CEP162: variants seen among roughly 807,000 people sequenced by gnomAD.
The protein encoded by CEP162 is centrosomal protein 162.
In CEP162, 141 loss-of-function variants were observed where a neutral mutation model predicts 169.2. That is an observed-to-expected ratio of 0.83 (90% CI 0.73 to 0.96). The LOEUF (loss-of-function observed/expected upper bound fraction) is 0.96, where lower values mean the gene tolerates loss of function less well. Among genes scored for constraint, CEP162 ranks in the 40% least tolerant of loss-of-function variants. The pLI, the probability that CEP162 is intolerant of heterozygous loss-of-function variation, is 0.00. For missense variants in CEP162, 1,600 were observed against 1,587.2 expected (o/e 1.01, Z -0.14); for synonymous variants, 540 against 526.4 (o/e 1.03, Z -0.35).
chr6:84,155,493 C>T lies in CEP162; in HGVS notation c.2799G>A (p.Gly933=). Residue 933 remains glycine (G), a synonymous_variant, in exon 22 of 27, where the codon GGG becomes GGA. Transcript: ENST00000403245. The part of the protein sequence containing the change: ...DLERQVKEME[G]ILKRRYPNSL... Reference sequence around the variant, plus strand: ...AATTGGGATATCTTCTCTTCAGAATCCCTTCCATTTCCTTAACCTATTAAA... The same window carrying T: ...AATTGGGATATCTTCTCTTCAGAATTCCTTCCATTTCCTTAACCTATTAAA... 4.4e-6 allele frequency: 7 copies of T among 1,609,176 alleles called. No homozygotes were observed. Among genetic ancestry groups the T allele is most frequent in the Non-Finnish European group, 5.9e-6 (7 of 1,176,516 alleles).
intron 9 of CEP162, among the ~76,000 whole-genome samples, chr6:84,199,094 T>C (rs2099543349): frequency 1.3e-5 from 2 of 152,230 alleles, no homozygotes; most frequent in African/African-American, 4.8e-5. Context: ...ATCAGAAAAG[T>C]TGTAGCTGTA....
intron 25 of CEP162, among the ~76,000 whole-genome samples, chr6:84,137,251 C>T (rs1426552340): frequency 6.6e-6 from 1 of 152,156 alleles, no homozygotes; most frequent in Non-Finnish European, 1.5e-5. Flanking sequence ...GGCCTGTATC[C>T]AGCATGCCAA....
intron 25 of CEP162, among the ~76,000 whole-genome samples, chr6:84,141,772 C>T (rs2099516763): frequency 1.3e-5 from 2 of 152,168 alleles, no homozygotes; most frequent in African/African-American, 2.4e-5. Flanking sequence ...GCTGTACCTA[C>T]ACTCCACCTA....
chr6:84,217,494 C>T (rs1306958178), intron 3 of CEP162, among the ~76,000 whole-genome samples: 2 of 152,064 alleles, frequency 1.3e-5, no homozygotes, highest in Non-Finnish European at 2.9e-5. Context: ...CAGGAAAATG[C>T]CCAGGCATGT....
chr6:84,174,413 A>G (rs2099531480), intron 15 of CEP162, among the ~76,000 whole-genome samples: 1 of 152,236 alleles, frequency 6.6e-6, no homozygotes, highest in Non-Finnish European at 1.5e-5. Context: ...CTCTGGGTCT[A>G]TACCTTCTAT....
At chr6:84,152,168 C>G (rs2099521358) in intron 23 of CEP162, among the ~76,000 whole-genome samples, 1 of 152,184 alleles carries the variant, frequency 6.6e-6, no homozygotes, top group Non-Finnish European at 1.5e-5. Flanking sequence ...AGACTGCCAA[C>G]TAGCTTTAAC....
intron 13 of CEP162, among the ~76,000 whole-genome samples, chr6:84,176,142 GA>G (rs796925078): frequency 4.9e-4 from 74 of 151,470 alleles, no homozygotes; most frequent in African/African-American, 1.8e-3. Context: ...GATAAATTAA[GA>G]ATTTCAAAAT....
At chr6:84,146,557 A>G (rs1562010738) in intron 25 of CEP162, 130 bp downstream of exon 25, 2 of 484,320 alleles carry the variant, frequency 4.1e-6, no homozygotes, top group Non-Finnish European at 7.3e-6. Flanking sequence ...GCACGCTGCT[A>G]ATATTTTCTT....
chr6:84,157,610 G>A (rs2099523743), intron 21 of CEP162, among the ~76,000 whole-genome samples: 1 of 152,174 alleles, frequency 6.6e-6, no homozygotes, highest in South Asian at 2.1e-4. Flanking sequence ...AGGAGGCTGA[G>A]GTTGCAGTGA....
chr6:84,222,212 A>G (rs184211840), intron 2 of CEP162, among the ~76,000 whole-genome samples: 301 of 152,234 alleles, frequency 2.0e-3, no homozygotes, highest in South Asian at 5.0e-3. Context: ...AGGCCTCCGA[A>G]ATGCCACAAA....
chr6:84,179,552 A>C (rs1209675873), intron 13 of CEP162, among the ~76,000 whole-genome samples: 6 of 151,966 alleles, frequency 3.9e-5, no homozygotes, highest in African/African-American at 1.5e-4. Context: ...TTCTTTGTAG[A>C]TTCTGGATAT....
intron 6 of CEP162, among the ~76,000 whole-genome samples, chr6:84,207,052 A>G (rs2099547448): frequency 6.6e-6 from 1 of 152,266 alleles, no homozygotes; most frequent in Admixed American, 6.5e-5. Flanking sequence ...AATGGCAATC[A>G]TTAAAAAGTC....
chr6:84,160,900 G>C lies in CEP162; in HGVS notation c.2693C>G (p.Ala898Gly). 1 of 1,610,012 alleles carries C rather than the reference G, an allele frequency of 6.2e-7. No homozygotes were observed. Among genetic ancestry groups the C allele is most frequent in the Non-Finnish European group, 8.5e-7 (1 of 1,177,056 alleles). The change falls in exon 21 of 27, where the codon GCT (alanine) becomes GGT (glycine). Residue 898 changes from alanine to glycine, a missense_variant. Ala to Gly is a moderately conservative substitution (Grantham distance 60). Coordinates refer to ENST00000403245, the MANE Select transcript of CEP162 (RefSeq NM_014895.4). ...KLKLEIEKLK[A>G]ESGNPSIRQK... Reference sequence around the variant, plus strand: ...CCGAATAGATGGATTCCCAGATTCAGCTTTCAGTTTCTCAATCTGTCAATA... The same window carrying C: ...CCGAATAGATGGATTCCCAGATTCACCTTTCAGTTTCTCAATCTGTCAATA...
At chr6:84,151,122 T>C (rs1473179980) in intron 23 of CEP162, among the ~76,000 whole-genome samples, 2 of 152,010 alleles carry the variant, frequency 1.3e-5, no homozygotes, top group Non-Finnish European at 2.9e-5. Flanking sequence ...ATTAGGTAAG[T>C]AGAGTAGTAT....
At chr6:84,186,251 A>C (rs1389523486) in intron 12 of CEP162, 81 bp downstream of exon 12, 1 of 758,216 alleles carries the variant, frequency 1.3e-6, no homozygotes, top group African/African-American at 1.8e-5. Context: ...TTTAAAAAGC[A>C]CACACCTACC....
intron 13 of CEP162, among the ~76,000 whole-genome samples, chr6:84,179,324 T>C (rs1367698762): frequency 6.6e-6 from 1 of 152,204 alleles, no homozygotes; most frequent in African/African-American, 2.4e-5. Context: ...CAGCACCTGT[T>C]GTTTCCTGAC....
intron 19 of CEP162, among the ~76,000 whole-genome samples, chr6:84,162,377 A>G (rs990455149): frequency 6.6e-6 from 1 of 152,164 alleles, no homozygotes; most frequent in Admixed American, 6.5e-5. Flanking sequence ...TTGTTACTCT[A>G]TATTTTACGG....
At chr6:84,160,070 T>C (rs907792050) in intron 21 of CEP162, among the ~76,000 whole-genome samples, 1 of 152,172 alleles carries the variant, frequency 6.6e-6, no homozygotes, top group African/African-American at 2.4e-5. Flanking sequence ...CAGTTTCGGA[T>C]TCATGATGGA....
At chr6:84,201,283 C>CAACA (rs143611774) in intron 8 of CEP162, among the ~76,000 whole-genome samples, 7,760 of 151,330 alleles carry the variant, frequency 0.051, 649 homozygotes, top group African/African-American at 0.18. Flanking sequence ...GTCTCACAAA[C>CAACA]AACAAACAAA....
Sources: gnomAD v4.1 joint callset for allele counts (sites outside exome capture counted in the v4.1 genomes callset) on GRCh38, gnomAD v4.1.1 for gene constraint, MANE v1.5 for transcripts, NCBI Gene and HGNC (gene_info 2026-07-23, HGNC 2026-07-21) for gene names.